The following GRM3 variants were observed in gnomAD, a reference collection of about 807,000 sequenced individuals.
The protein encoded by GRM3 is metabotropic glutamate receptor 3.
In GRM3, 26 loss-of-function variants were observed where a neutral mutation model predicts 70.5. The observed-to-expected ratio is 0.37, with a 90% CI of 0.27 to 0.51. The LOEUF (loss-of-function observed/expected upper bound fraction) is 0.51. Among genes scored for constraint, GRM3 ranks in the 20% least tolerant of loss-of-function variants. GRM3 has a pLI of 0.93. For missense variants in GRM3, 859 were observed against 1,123.8 expected (o/e 0.76, Z 3.37); for synonymous variants, 443 against 434.9 (o/e 1.02, Z -0.23).
At chr7:86,722,452 G>A (rs1795490130) in intron 1 of GRM3, among the ~76,000 whole-genome samples, 1 of 152,064 alleles carries the variant, frequency 6.6e-6, no homozygotes, top group Non-Finnish European at 1.5e-5. Flanking sequence ...ATCCTTTGCA[G>A]GGATGTGGAT....
chr7:86,752,787 T>C (rs917732669), intron 1 of GRM3, among the ~76,000 whole-genome samples: 1 of 152,104 alleles, frequency 6.6e-6, no homozygotes, highest in East Asian at 1.9e-4. Context: ...AATATTCTTC[T>C]TTTGACATTA....
At chr7:86,858,147 G>A (rs529196124) in intron 5 of GRM3, among the ~76,000 whole-genome samples, 4 of 151,748 alleles carry the variant, frequency 2.6e-5, no homozygotes, top group South Asian at 4.2e-4. Context: ...TAGTAGAGAC[G>A]AGGTTTCACC....
Position 86,786,513 on chromosome 7 carries a change from A to G in GRM3, c.721A>G (p.Ile241Val), listed in dbSNP as rs1275689108. ...GGAAGCCCGCCTGCGCAACATCTGCATCGCTACGGCGGAGAAGGTGGGCCG... is the reference window on the plus strand; with the variant it reads ...GGAAGCCCGCCTGCGCAACATCTGCGTCGCTACGGCGGAGAAGGTGGGCCG... ...EQEARLRNIC[I>V]ATAEKVGRSN... The change falls in exon 3 of 6, where the codon ATC (isoleucine) becomes GTC (valine). Residue 241 changes from isoleucine to valine, a missense_variant. By Grantham distance (29) the Ile-to-Val change is conservative. Coordinates refer to ENST00000361669, the MANE Select transcript of GRM3 (RefSeq NM_000840.3). This position sits in a 1 kb window ranked among gnomAD's most constrained non-coding sequence, Gnocchi z 6.0. 2 of 1,614,066 alleles carry G rather than the reference A, an allele frequency of 1.2e-6. No homozygotes were observed. Among genetic ancestry groups the G allele is most frequent in the African/African-American group, 1.3e-5 (1 of 74,958 alleles).
Position 86,801,072 on chromosome 7 carries a change from T to G in GRM3, c.1324+13956T>G, listed in dbSNP as rs868009085. ...ACCACGGCAAACTTCTTCTTTTTTT[T>G]TTTTTTTTTTTTTTTTGAGACACAG... On this transcript the variant is annotated intron_variant, in intron 3 of 5. Coordinates refer to ENST00000361669, the MANE Select transcript of GRM3 (RefSeq NM_000840.3). Among the ~76,000 whole-genome samples the G allele has an allele frequency of 2.1e-5, 3 of 143,060 alleles. No individual in the cohort carries two copies. The East Asian group carries it at 5.9e-4, about 28-fold the overall frequency. 93.9% of individuals were successfully genotyped at this position (143,060 alleles called of 152,430 possible).
intron 3 of GRM3, among the ~76,000 whole-genome samples, chr7:86,823,383 G>A (rs1451403163): frequency 1.3e-5 from 2 of 150,398 alleles, no homozygotes; most frequent in Admixed American, 6.6e-5. Context: ...CTTTTCTTTT[G>A]TTGAGTCCCA....
chr7:86,696,304 G>A (rs724224), intron 1 of GRM3, among the ~76,000 whole-genome samples: 1 of 151,980 alleles, frequency 6.6e-6, no homozygotes, highest in Non-Finnish European at 1.5e-5. Flanking sequence ...CAATTACAAG[G>A]TTCCTTATAA....
chr7:86,654,847 T>G (rs1490245434), intron 1 of GRM3, among the ~76,000 whole-genome samples: 1 of 152,218 alleles, frequency 6.6e-6, no homozygotes, highest in African/African-American at 2.4e-5. Context: ...AGAGATATTA[T>G]AGCATGAACA....
chr7:86,745,461 T>C (rs1796080244), intron 1 of GRM3, among the ~76,000 whole-genome samples: 1 of 151,994 alleles, frequency 6.6e-6, no homozygotes, highest in East Asian at 1.9e-4. Context: ...GAAAACAATA[T>C]AAGTAGAAAT....
intron 1 of GRM3, among the ~76,000 whole-genome samples, chr7:86,750,222 C>T (rs575107804): frequency 6.6e-6 from 1 of 151,778 alleles, no homozygotes. Flanking sequence ...AAAGATTATG[C>T]TAATCTACAC....
chr7:86,762,322 T>G (rs1003493086), intron 1 of GRM3, among the ~76,000 whole-genome samples: 5 of 152,108 alleles, frequency 3.3e-5, no homozygotes, highest in African/African-American at 1.2e-4. Context: ...CTGCCATCAG[T>G]GCTGAGATTC....
chr7:86,670,468 T>A (rs1199896561), intron 1 of GRM3, among the ~76,000 whole-genome samples: 1 of 152,220 alleles, frequency 6.6e-6, no homozygotes, highest in Admixed American at 6.5e-5. Context: ...TCCAGGAACA[T>A]GACCTTGGAA....
intron 3 of GRM3, among the ~76,000 whole-genome samples, chr7:86,826,504 A>T (rs1798237552): frequency 6.6e-6 from 1 of 152,184 alleles, no homozygotes; most frequent in Admixed American, 6.5e-5. Context: ...GAGGAATGAA[A>T]CATAATTGAA....
In GRM3 at chr7:86,785,103, A is replaced by G. The variant is rs951841351; in HGVS notation, c.469-1158A>G. On this transcript the variant is annotated intron_variant, in intron 2 of 5. Coordinates refer to ENST00000361669, the MANE Select transcript of GRM3 (RefSeq NM_000840.3). ...GTGAAACCACAATTTCCAAAAGGAA[A>G]AATTTCAAAGTACTAATATTCATGC... Among the ~76,000 whole-genome samples, 15 of 152,360 alleles carry G rather than the reference A, an allele frequency of 9.8e-5. No individual in the cohort carries two copies. The East Asian group carries it at 1.2e-3, about 12-fold the overall frequency.
intron 3 of GRM3, among the ~76,000 whole-genome samples, chr7:86,830,008 C>G (rs1230681679): frequency 6.6e-6 from 1 of 152,152 alleles, no homozygotes; most frequent in African/African-American, 2.4e-5. Flanking sequence ...AATTTATATA[C>G]AAGAGTCTTC....
intron 1 of GRM3, among the ~76,000 whole-genome samples, chr7:86,683,695 C>G (rs1225572688): frequency 6.6e-6 from 1 of 151,984 alleles, no homozygotes; most frequent in Non-Finnish European, 1.5e-5. Context: ...TGGTGGGGAC[C>G]CATTAAGGAA....
chr7:86,821,801 C>T (rs1167914287), intron 3 of GRM3, among the ~76,000 whole-genome samples: 2 of 152,138 alleles, frequency 1.3e-5, no homozygotes, highest in Non-Finnish European at 1.5e-5. Context: ...TTTGTCACCA[C>T]GCTTCCTTAA....
intron 3 of GRM3, among the ~76,000 whole-genome samples, chr7:86,830,711 G>A (rs1798333101): frequency 6.6e-6 from 1 of 152,138 alleles, no homozygotes; most frequent in Non-Finnish European, 1.5e-5. Flanking sequence ...AGGCAAAATA[G>A]TCTGTGGTTG....
chr7:86,649,585 T>C lies in GRM3; in HGVS notation c.-141+4713T>C, dbSNP rs113981281. On this transcript the variant is annotated intron_variant, in intron 1 of 5. Transcript: ENST00000361669. The stretch of plus-strand genomic sequence containing the variant: ...TTCACTACTTCACTATCATTGACTG[T>C]ATAACTACACACACACATATTTGAG... 6.9e-3 allele frequency among the ~76,000 whole-genome samples: 1,044 copies of C among 152,254 alleles called. 19 individuals are homozygous for C. The highest frequency in any genetic ancestry group is 0.024 in the African/African-American group (981 of 41,560).
intron 1 of GRM3, among the ~76,000 whole-genome samples, chr7:86,702,322 C>T (rs1794962703): frequency 6.6e-6 from 1 of 151,970 alleles, no homozygotes; most frequent in African/African-American, 2.4e-5. Context: ...GCTGGTTAGT[C>T]CTGCATCTCT....
Sources: gnomAD v4.1 joint callset for allele counts (sites outside exome capture counted in the v4.1 genomes callset) on GRCh38, gnomAD v4.1.1 for gene constraint, Gnocchi (gnomAD v3.1) non-coding constraint, MANE v1.5 for transcripts, NCBI Gene and HGNC (gene_info 2026-07-23, HGNC 2026-07-21) for gene names.